Variants in ZNF286A observed in about 807,000 individuals in gnomAD.
ZNF286A encodes the protein zinc finger protein ZNF286.
ZNF286A carries 34 observed loss-of-function variants against 49.3 expected under a neutral mutation model. The observed-to-expected ratio is 0.69, with a 90% CI of 0.52 to 0.92. The LOEUF is 0.92. Ranked by LOEUF, ZNF286A falls within the 40% of genes least tolerant of loss-of-function variation. ZNF286A has a pLI of 0.00. For synonymous variants in ZNF286A, 155 were observed against 200.4 expected, an observed-to-expected ratio of 0.77 and a Z score of 1.91; for missense variants, 462 against 600.2, an observed-to-expected ratio of 0.77 and a Z score of 2.41.
chr17:15,708,316 G>A, intron 5 of ZNF286A, 69 bp downstream of exon 5: 1 of 1,278,854 alleles, frequency 7.8e-7, no homozygotes, highest in South Asian at 1.8e-5. Context: ...ACTTTTCAGT[G>A]CTTAAGAAAG....
intron 5 of ZNF286A, among the ~76,000 whole-genome samples, chr17:15,715,743 T>C (rs1310877708): frequency 5.3e-5 from 8 of 152,180 alleles, no homozygotes; most frequent in Non-Finnish European, 1.2e-4. Flanking sequence ...TAAAAAGTTA[T>C]TTCTTCCCAT....
chr17:15,706,356 A>G (rs1990224751), intron 3 of ZNF286A, 31 bp from the exon 4 acceptor site: 3 of 1,583,798 alleles, frequency 1.9e-6, no homozygotes, highest in Non-Finnish European at 2.6e-6. Context: ...AATTAAGGGA[A>G]AGATGTTGAA....
rs1990232787 is a variant in ZNF286A, at chr17:15,706,442, A to G, written c.182A>G (p.Lys61Arg). 3 of 1,613,772 alleles carry G rather than the reference A, an allele frequency of 1.9e-6. No homozygotes were observed. The highest frequency in any genetic ancestry group is 1.6e-4 in the Middle Eastern group (1 of 6,084). Residue 61 changes from lysine to arginine, a missense_variant, in exon 4 of 6, where the codon AAG becomes AGG. This residue lies in a region of ZNF286A where 259 missense variants were observed against 272.2 expected (regional missense o/e 0.95). Transcript: ENST00000583566. ...AMDFTPEEWG[K>R]LDPAQRDVML... Reference sequence around the variant, plus strand: ...GACTTTACACCAGAGGAGTGGGGGAAGCTGGATCCTGCACAAAGGGATGTG... The same window carrying G: ...GACTTTACACCAGAGGAGTGGGGGAGGCTGGATCCTGCACAAAGGGATGTG...
chr17:15,712,091 C>A (rs1990711508), intron 5 of ZNF286A, among the ~76,000 whole-genome samples: 1 of 152,212 alleles, frequency 6.6e-6, no homozygotes. Flanking sequence ...CCGGGATGAT[C>A]TCAGTCTCCT....
intron 3 of ZNF286A, among the ~76,000 whole-genome samples, chr17:15,702,168 A>G (rs1989826781): frequency 1.3e-5 from 2 of 151,642 alleles, no homozygotes; most frequent in Admixed American, 6.6e-5. Context: ...ATTGTACTAT[A>G]TCAGTGATTA....
Position 15,708,156 on chromosome 17 carries a change from G to T in ZNF286A, c.243G>T (p.Trp81Cys), listed in dbSNP as rs752104189. 1.3e-6 allele frequency: 2 copies of T among 1,570,402 alleles called. No homozygotes were observed. Among genetic ancestry groups the T allele is most frequent in the South Asian group, 1.2e-5 (1 of 82,810 alleles). Residue 81 changes from tryptophan to cysteine, a missense_variant and splice_region_variant, in exon 5 of 6, where the codon TGG becomes TGT. Transcript: ENST00000583566. ...LENYRNLVSL[W>C]LPVSKPESYN... ...CTTTTTCTTTTTTTAAATGAATAGGGCTTCCAGTTTCCAAACCTGAGAGCT... is the reference window on the plus strand; with the variant it reads ...CTTTTTCTTTTTTTAAATGAATAGGTCTTCCAGTTTCCAAACCTGAGAGCT...
intron 5 of ZNF286A, among the ~76,000 whole-genome samples, chr17:15,711,963 C>G: frequency 6.8e-6 from 1 of 147,572 alleles, no homozygotes; most frequent in Non-Finnish European, 1.5e-5. Flanking sequence ...GCTCTGCCTC[C>G]TGGGTTCACG....
In ZNF286A at chr17:15,716,880, G is replaced by T. The variant is rs1423579004; in HGVS notation, c.1156G>T (p.Glu386Ter). 1 of 1,609,486 alleles carries T rather than the reference G, an allele frequency of 6.2e-7. No homozygotes were observed. The highest frequency in any genetic ancestry group is 1.1e-5 in the South Asian group (1 of 90,758). ...TGGAGAGAAACCTTATAAATGTCAA[G>T]AATGTGGGAAAGCCTTTAGCCATTG... is the stretch of plus-strand genomic sequence containing the variant. ...HTGEKPYKCQ[E>*]CGKAFSHCSS... The change falls in exon 6 of 6, where the codon GAA (glutamate) becomes TAA (stop). Residue 386 changes from glutamate to a stop codon, truncating the protein, a stop_gained. Transcript: ENST00000583566. LOFTEE classifies it high-confidence loss of function.
intron 5 of ZNF286A, chr17:15,709,758 T>G: frequency 2.0e-6 from 3 of 1,486,700 alleles, no homozygotes; most frequent in South Asian, 2.6e-5. Context: ...TTTTAACTAC[T>G]GTGGAGTCAT....
Position 15,717,251 on chromosome 17 carries a change from C to T in ZNF286A, c.1527C>T (p.Leu509=), listed in dbSNP as rs1302381252. Reference sequence around the variant, plus strand: ...AAAGCTTTAAGTGCAGTTCATCTCTCATCAGACATCAAAGAGTTCACACTG... The same window carrying T: ...AAAGCTTTAAGTGCAGTTCATCTCTTATCAGACATCAAAGAGTTCACACTG... ...CGKSFKCSSS[L]IRHQRVHTEE... Residue 509 remains leucine (L), a synonymous_variant, in exon 6 of 6, where the codon CTC becomes CTT. Coordinates refer to ENST00000583566, the MANE Select transcript of ZNF286A (RefSeq NM_001130842.2). The T allele has an allele frequency of 6.2e-7, 1 of 1,605,918 alleles. No homozygotes were observed. Among genetic ancestry groups the T allele is most frequent in the East Asian group, 2.2e-5 (1 of 44,614 alleles).
chr17:15,705,104 A>T (rs2151458321), intron 3 of ZNF286A, among the ~76,000 whole-genome samples: 1 of 152,198 alleles, frequency 6.6e-6, no homozygotes, highest in East Asian at 1.9e-4. Flanking sequence ...TAATTCTCTT[A>T]TTTCTTAAAT....
Position 15,716,207 on chromosome 17 carries a change from G to A in ZNF286A, c.483G>A (p.Trp161Ter), listed in dbSNP as rs1167224359. Reference protein sequence around the residue: ...NLEAALECENWLENQQGNQER... With the variant: ...NLEAALECEN ...AAGCAGCCCTTGAATGTGAAAATTG[G>A]TTAGAGAATCAGCAAGGAAATCAGG... is the stretch of plus-strand genomic sequence containing the variant. Residue 161 changes from tryptophan to a stop codon, truncating the protein, a stop_gained, in exon 6 of 6, where the codon TGG becomes TGA. Coordinates refer to ENST00000583566, the MANE Select transcript of ZNF286A (RefSeq NM_001130842.2). LOFTEE classifies it high-confidence loss of function. 6.2e-7 allele frequency: 1 copy of A among 1,613,856 alleles called. No homozygotes were observed. The highest frequency in any genetic ancestry group is 1.1e-5 in the South Asian group (1 of 91,076).
rs987682231 is a variant in ZNF286A, at chr17:15,717,926, A to G, written c.*636A>G. ...TACGTTCACATGGATTATGTACATC[A>G]TTGATTTTTTTTTTTTTTTTTTTTT... On this transcript the variant is annotated 3_prime_UTR_variant, in exon 6 of 6. Transcript: ENST00000583566. 3.5e-5 allele frequency: 3 copies of G among 86,012 alleles called. No individual in the cohort carries two copies. Among genetic ancestry groups the G allele is most frequent in the Non-Finnish European group, 6.7e-5 (3 of 45,112 alleles). The allele number at this position is 86,012 out of a possible 1,614,324, so 5.3% of individuals were successfully genotyped here.
chr17:15,711,873 C>CTTT (rs769063767), intron 5 of ZNF286A, among the ~76,000 whole-genome samples: 1,313 of 79,874 alleles, frequency 0.016, 87 homozygotes, highest in African/African-American at 0.059. Flanking sequence ...CCCCCCCCGG[C>CTTT]TTTTTTTTTT....
intron 3 of ZNF286A, among the ~76,000 whole-genome samples, chr17:15,705,427 A>G (rs1990157660): frequency 6.6e-6 from 1 of 151,904 alleles, no homozygotes; most frequent in Non-Finnish European, 1.5e-5. Flanking sequence ...TCATTTATTT[A>G]CATTTTAAAA....
chr17:15,711,625 A>T (rs1175336369), intron 5 of ZNF286A, among the ~76,000 whole-genome samples: 1 of 152,186 alleles, frequency 6.6e-6, no homozygotes, highest in Non-Finnish European at 1.5e-5. Flanking sequence ...GCTAGACAAT[A>T]AATAATTACC....
chr17:15,716,085 G>T lies in ZNF286A; in HGVS notation c.361G>T (p.Asp121Tyr). 1 of 1,613,852 alleles carries T rather than the reference G, an allele frequency of 6.2e-7. No homozygotes were observed. The highest frequency in any genetic ancestry group is 8.5e-7 in the Non-Finnish European group (1 of 1,179,828). The change falls in exon 6 of 6, where the codon GAT (aspartate) becomes TAT (tyrosine). Residue 121 changes from aspartate (D) to tyrosine (Y), a missense_variant. This residue lies in a region of ZNF286A where 259 missense variants were observed against 272.2 expected (regional missense o/e 0.95). Transcript: ENST00000583566. ...SDMETRPQSK[D>Y]STSVQDFSKA... is the part of the protein sequence containing the mutation. Reference sequence around the variant, plus strand: ...CATGGAGACTAGACCACAGAGCAAGGATTCAACTTCAGTGCAAGATTTTTC... The same window carrying T: ...CATGGAGACTAGACCACAGAGCAAGTATTCAACTTCAGTGCAAGATTTTTC...
rs772285297 is a variant in ZNF286A, at chr17:15,716,516, C to A, written c.792C>A (p.Val264=). The A allele has an allele frequency of 3.7e-6, 6 of 1,613,990 alleles. No individual in the cohort carries two copies. The African/African-American group carries it at 6.7e-5, about 18-fold the overall frequency. The change falls in exon 6 of 6, where the codon GTC becomes GTA. Residue 264 remains valine, a synonymous_variant. Transcript: ENST00000583566. ...YHSVLIRHQR[V]HTGEKPYTCN... is the part of the protein sequence containing the mutation. ...CAGTGCTTATTCGACACCAGAGAGT[C>A]CATACTGGAGAGAAACCCTATACCT...
At chr17:15,707,489 G>A (rs7210005) in intron 4 of ZNF286A, among the ~76,000 whole-genome samples, 18,803 of 151,338 alleles carry the variant, frequency 0.12, 1,741 homozygotes, top group African/African-American at 0.26. Context: ...AGAAGGAAAG[G>A]AAAAACATTA....
Sources: allele counts gnomAD v4.1 joint callset (sites outside exome capture counted in the v4.1 genomes callset), GRCh38; gene constraint gnomAD v4.1.1; regional missense constraint gnomAD v4.1.1; transcripts MANE v1.5; gene names NCBI Gene and HGNC (gene_info 2026-07-23, HGNC 2026-07-21).